CCDC171: variants seen among roughly 807,000 people sequenced by gnomAD.
The protein encoded by CCDC171 is coiled-coil domain-containing protein 171.
Under a neutral mutation model 168.2 loss-of-function variants are expected in CCDC171, and 177 were observed. That is an observed-to-expected ratio of 1.05 (90% CI 0.93 to 1.19). The LOEUF is 1.19. Among genes scored for constraint, CCDC171 ranks in the 50% most tolerant of loss-of-function variants. The pLI is 0.00. For missense variants in CCDC171, 1,991 were observed against 1,539.0 expected, an observed-to-expected ratio of 1.29 and a Z score of -4.91; for synonymous variants, 687 against 540.8, an observed-to-expected ratio of 1.27 and a Z score of -3.75.
At chr9:15,802,464 T>C (rs1451789357) in intron 21 of CCDC171, among the ~76,000 whole-genome samples, 2 of 152,210 alleles carry the variant, frequency 1.3e-5, no homozygotes, top group Non-Finnish European at 2.9e-5. Context: ...TGTGTGTCCA[T>C]GTGTTCTCAT....
intron 6 of CCDC171, among the ~76,000 whole-genome samples, chr9:15,608,115 G>T (rs2043356302): frequency 6.6e-6 from 1 of 152,088 alleles, no homozygotes. Flanking sequence ...AAAGCCACCA[G>T]TTCTACTGCC....
intron 24 of CCDC171, among the ~76,000 whole-genome samples, chr9:15,904,049 A>C (rs1019706677): frequency 3.3e-5 from 5 of 152,210 alleles, no homozygotes; most frequent in African/African-American, 1.2e-4. Context: ...TCTACATCTG[A>C]TTGGTGTACC....
chr9:15,911,499 C>T (rs1364315547), intron 24 of CCDC171, among the ~76,000 whole-genome samples: 1 of 152,144 alleles, frequency 6.6e-6, no homozygotes, highest in Non-Finnish European at 1.5e-5. Context: ...TGTAGGTTGC[C>T]TGTTCACTCT....
At chr9:15,616,651 G>A (rs1016543658) in intron 6 of CCDC171, among the ~76,000 whole-genome samples, 1 of 152,080 alleles carries the variant, frequency 6.6e-6, no homozygotes, top group Admixed American at 6.5e-5. Flanking sequence ...AATTTAAGAA[G>A]GCATATAATT....
intron 21 of CCDC171, among the ~76,000 whole-genome samples, chr9:15,799,135 CATATAT>C (rs57651824): frequency 0.33 from 35,878 of 108,936 alleles, 5,639 homozygotes; most frequent in South Asian, 0.52. Context: ...TCATCATTGC[CATATAT>C]ATATATATAT....
rs1010380798 is a variant in CCDC171 at position 15,678,767 on chromosome 9, A to G, written c.1086A>G (p.Lys362=). Residue 362 remains lysine (K), a synonymous_variant, in exon 10 of 26, where the codon AAA becomes AAG. Coordinates refer to ENST00000380701, the MANE Select transcript of CCDC171 (RefSeq NM_173550.4). ...CACTTTAACTTTTCAGATTAGAAAA[A>G]GAGTATTTCTCCAAAAATAAGAAAC... ...ESFAKLNLLE[K]EYFSKNKKLN... is the part of the protein sequence containing the mutation. 8.8e-6 allele frequency: 14 copies of G among 1,582,164 alleles called. No homozygotes were observed. The highest frequency in any genetic ancestry group is 4.0e-5 in the Admixed American group (2 of 50,292).
At chr9:15,878,324 T>A (rs1379607965) in intron 24 of CCDC171, among the ~76,000 whole-genome samples, 1 of 151,598 alleles carries the variant, frequency 6.6e-6, no homozygotes, top group Non-Finnish European at 1.5e-5. Flanking sequence ...TATGAACACA[T>A]ACTTTTCAAA....
chr9:15,747,641 C>T (rs1177270995), intron 18 of CCDC171, among the ~76,000 whole-genome samples: 2 of 152,204 alleles, frequency 1.3e-5, no homozygotes, highest in East Asian at 1.9e-4. Context: ...CAAACTCCAA[C>T]AGATCTGCAG....
intron 11 of CCDC171, among the ~76,000 whole-genome samples, chr9:15,721,145 GT>G (rs2053453357): frequency 6.6e-6 from 1 of 152,024 alleles, no homozygotes; most frequent in African/African-American, 2.4e-5. Flanking sequence ...AGTTTTAAGG[GT>G]TTTAATTGAA....
intron 3 of CCDC171, among the ~76,000 whole-genome samples, chr9:16,003,792 G>A (rs573093484): frequency 6.6e-6 from 1 of 152,310 alleles, no homozygotes; most frequent in Admixed American, 6.5e-5. Flanking sequence ...TGAGGATTGG[G>A]ATGTCCTACT....
chr9:16,107,580 A>C, the CCDC171 span, among the ~76,000 whole-genome samples: 1 of 152,192 alleles, frequency 6.6e-6, no homozygotes, highest in African/African-American at 2.4e-5. Flanking sequence ...TATATGCATA[A>C]ATATACCCAT....
chr9:15,963,801 T>G (rs1347430271), intron 25 of CCDC171, among the ~76,000 whole-genome samples: 1 of 152,162 alleles, frequency 6.6e-6, no homozygotes, highest in Admixed American at 6.6e-5. Flanking sequence ...TTCTTAGTAA[T>G]AGAGCCTCTG....
chr9:16,049,933 C>G (rs1833723364), intron 1 of CCDC171, among the ~76,000 whole-genome samples: 1 of 152,180 alleles, frequency 6.6e-6, no homozygotes, highest in Non-Finnish European at 1.5e-5. Context: ...GTCACACAGG[C>G]TGGAGTGCAG....
chr9:15,742,049 T>C (rs896166815), intron 16 of CCDC171, among the ~76,000 whole-genome samples: 30 of 150,790 alleles, frequency 2.0e-4, no homozygotes, highest in African/African-American at 7.0e-4. Context: ...AGTTTGCCTC[T>C]TGTATTTTCT....
intron 1 of CCDC171, among the ~76,000 whole-genome samples, chr9:16,055,572 A>G (rs941247725): frequency 6.6e-6 from 1 of 152,214 alleles, no homozygotes; most frequent in Non-Finnish European, 1.5e-5. Context: ...TGAGGCTCAT[A>G]GTATATTGCA....
chr9:16,001,671 T>C (rs373087014), intron 3 of CCDC171, among the ~76,000 whole-genome samples: 174 of 152,190 alleles, frequency 1.1e-3, no homozygotes, highest in African/African-American at 4.1e-3. Flanking sequence ...CCGAGTGACA[T>C]TGTAGCTGTA....
At chr9:15,776,587 C>G (rs1447507763) in intron 18 of CCDC171, among the ~76,000 whole-genome samples, 6 of 152,070 alleles carry the variant, frequency 3.9e-5, no homozygotes, top group Non-Finnish European at 7.4e-5. Context: ...ATTTGTCTGT[C>G]CTTTAAACAT....
intron 23 of CCDC171, among the ~76,000 whole-genome samples, chr9:15,854,422 G>A (rs918541932): frequency 2.0e-5 from 3 of 151,362 alleles, no homozygotes; most frequent in Non-Finnish European, 1.5e-5. Flanking sequence ...TTTCTGTAAG[G>A]TTAGTAGTAA....
At chr9:15,850,742 G>A (rs1391838492) in intron 23 of CCDC171, among the ~76,000 whole-genome samples, 1 of 151,954 alleles carries the variant, frequency 6.6e-6, no homozygotes, top group Non-Finnish European at 1.5e-5. Flanking sequence ...AGGCCCACCT[G>A]TCTTCGTGCC....
Sources: gnomAD v4.1 joint callset for allele counts (sites outside exome capture counted in the v4.1 genomes callset) on GRCh38, gnomAD v4.1.1 for gene constraint, MANE v1.5 for transcripts, NCBI Gene and HGNC (gene_info 2026-07-23, HGNC 2026-07-21) for gene names.